The following PAPPA2 variants were observed in gnomAD, a reference collection of about 807,000 sequenced individuals.
PAPPA2 encodes pappalysin-2.
Under a neutral mutation model 176.4 loss-of-function variants are expected in PAPPA2, and 86 were observed. The observed-to-expected ratio is 0.49, with a 90% CI of 0.41 to 0.58. The LOEUF is 0.58. PAPPA2 is among the 20% of genes least tolerant of loss of function. The probability of loss-of-function intolerance (pLI) is 0.00; values close to 1 mark genes in which losing one functional copy is unlikely to be tolerated. For synonymous variants in PAPPA2, 809 were observed against 852.2 expected, an observed-to-expected ratio of 0.95 and a Z score of 0.88; for missense variants, 2,073 against 2,256.9, an observed-to-expected ratio of 0.92 and a Z score of 1.65.
intron 12 of PAPPA2, among the ~76,000 whole-genome samples, chr1:176,725,867 G>A (rs1028603073): frequency 3.9e-5 from 6 of 152,066 alleles, no homozygotes; most frequent in African/African-American, 1.4e-4. Context: ...TGCAAGCTCC[G>A]CCTCCCGGGT....
At chr1:176,588,987 C>T (rs543055697) in intron 2 of PAPPA2, among the ~76,000 whole-genome samples, 15 of 152,220 alleles carry the variant, frequency 9.9e-5, no homozygotes, top group Non-Finnish European at 2.1e-4. Flanking sequence ...GGGATAGAGT[C>T]GCACATAGTA....
intron 12 of PAPPA2, among the ~76,000 whole-genome samples, chr1:176,714,506 A>G (rs1197114124): frequency 1.3e-5 from 2 of 152,198 alleles, no homozygotes; most frequent in Non-Finnish European, 1.5e-5. Context: ...AACTTTTAAA[A>G]AATAACTACT....
At chr1:176,820,535 A>G (rs1666617444) in intron 21 of PAPPA2, among the ~76,000 whole-genome samples, 1 of 152,176 alleles carries the variant, frequency 6.6e-6, no homozygotes, top group Non-Finnish European at 1.5e-5. Flanking sequence ...GCACATGCAC[A>G]TGGCAGTGTA....
intron 2 of PAPPA2, 24 bp from the exon 3 acceptor site, chr1:176,594,500 C>A (rs777205462): frequency 1.3e-6 from 2 of 1,586,872 alleles, no homozygotes; most frequent in Non-Finnish European, 1.7e-6. Context: ...CTGTCTCTTC[C>A]CTCGATTCTT....
chr1:176,687,701 T>C (rs1369563437), intron 4 of PAPPA2, among the ~76,000 whole-genome samples: 1 of 152,182 alleles, frequency 6.6e-6, no homozygotes, highest in African/African-American at 2.4e-5. Context: ...TGATGTTTGC[T>C]CAGAGCTGAA....
At position 176,556,358 on chromosome 1, in the gene PAPPA2, G is replaced by C; in HGVS notation, c.36G>C (p.Ala12=). Residue 12 remains alanine, a synonymous_variant, in exon 2 of 23, where the codon GCG becomes GCC. Coordinates refer to ENST00000367662, the MANE Select transcript of PAPPA2 (RefSeq NM_020318.3). The stretch of plus-strand genomic sequence containing the variant: ...TAAAGATCCTAAGAATAAGCCTGGC[G>C]ATTTTGGCTGGGTGGGCACTCTGTT... The part of the protein sequence containing the change: ...MCLKILRISL[A]ILAGWALCSA... 1 of 1,614,120 alleles carries C rather than the reference G, an allele frequency of 6.2e-7. No individual in the cohort carries two copies. Among genetic ancestry groups the C allele is most frequent in the Non-Finnish European group, 8.5e-7 (1 of 1,180,004 alleles).
chr1:176,532,510 A>G (rs753886096), intron 1 of PAPPA2, among the ~76,000 whole-genome samples: 4 of 152,228 alleles, frequency 2.6e-5, no homozygotes, highest in Admixed American at 6.5e-5. Flanking sequence ...GGAAAAAGGC[A>G]CCTGCTTAAA....
chr1:176,776,584 G>T (rs1283561073), intron 17 of PAPPA2, among the ~76,000 whole-genome samples: 1 of 152,084 alleles, frequency 6.6e-6, no homozygotes, highest in Non-Finnish European at 1.5e-5. Context: ...ACCTAAATTG[G>T]GGGAGAGCCT....
At chr1:176,632,228 G>GGTGT (rs755065819) in intron 3 of PAPPA2, among the ~76,000 whole-genome samples, 7,064 of 137,804 alleles carry the variant, frequency 0.051, 196 homozygotes, top group South Asian at 0.12. Flanking sequence ...AATTAGTAGT[G>GGTGT]ATGTGTGTGT....
At chr1:176,695,091 A>G (rs1470632952) in intron 6 of PAPPA2, among the ~76,000 whole-genome samples, 1 of 152,220 alleles carries the variant, frequency 6.6e-6, no homozygotes, top group African/African-American at 2.4e-5. Flanking sequence ...GCTCAAAGGC[A>G]TGATGTATTT....
intron 1 of PAPPA2, among the ~76,000 whole-genome samples, chr1:176,514,352 G>A (rs1648782970): frequency 6.6e-6 from 1 of 152,102 alleles, no homozygotes; most frequent in South Asian, 2.1e-4. Flanking sequence ...AGTTACCATG[G>A]GGAGGGCACC....
intron 17 of PAPPA2, among the ~76,000 whole-genome samples, chr1:176,788,473 C>T (rs1037446752): frequency 6.6e-6 from 1 of 152,160 alleles, no homozygotes; most frequent in African/African-American, 2.4e-5. Flanking sequence ...TTAAGGCTGC[C>T]ACATATTTGA....
At chr1:176,635,872 A>G (rs1656670731) in intron 3 of PAPPA2, among the ~76,000 whole-genome samples, 1 of 152,056 alleles carries the variant, frequency 6.6e-6, no homozygotes, top group Non-Finnish European at 1.5e-5. Flanking sequence ...TATATGACAA[A>G]TGAGGTTGCA....
At chr1:176,715,485 G>A (rs566899089) in intron 12 of PAPPA2, among the ~76,000 whole-genome samples, 29 of 152,290 alleles carry the variant, frequency 1.9e-4, no homozygotes, top group African/African-American at 6.7e-4. Flanking sequence ...ACCTTGTGGG[G>A]CCTCTGTGCC....
chr1:176,671,256 G>A (rs562008625), intron 4 of PAPPA2, 141 bp downstream of exon 4: 9 of 1,119,450 alleles, frequency 8.0e-6, no homozygotes, highest in Admixed American at 2.6e-5. Context: ...GCTGAGAATG[G>A]CACTTAGTAG....
intron 14 of PAPPA2, among the ~76,000 whole-genome samples, chr1:176,748,862 A>G (rs188844501): frequency 6.6e-6 from 1 of 152,262 alleles, no homozygotes; most frequent in East Asian, 1.9e-4. Context: ...GCTATATCAT[A>G]TAGGTTTGTG....
intron 7 of PAPPA2, among the ~76,000 whole-genome samples, chr1:176,696,956 A>G (rs1660415820): frequency 6.6e-6 from 1 of 152,182 alleles, no homozygotes; most frequent in African/African-American, 2.4e-5. Flanking sequence ...TTCAAGTGAG[A>G]ATTTTCAGGG....
At chr1:176,740,560 T>C in intron 14 of PAPPA2, among the ~76,000 whole-genome samples, 1 of 152,196 alleles carries the variant, frequency 6.6e-6, no homozygotes, top group Admixed American at 6.5e-5. Context: ...ATTTTTCCAC[T>C]TCTTTCCACC....
intron 14 of PAPPA2, among the ~76,000 whole-genome samples, chr1:176,755,256 G>A (rs368628709): frequency 3.9e-5 from 6 of 152,166 alleles, no homozygotes; most frequent in African/African-American, 1.4e-4. Context: ...TCCCAAAGGG[G>A]CCCCACAGGT....
Sources: gnomAD v4.1 joint callset for allele counts (sites outside exome capture counted in the v4.1 genomes callset) on GRCh38, gnomAD v4.1.1 for gene constraint, MANE v1.5 for transcripts, NCBI Gene and HGNC (gene_info 2026-07-23, HGNC 2026-07-21) for gene names.